Variants in DTNA observed in about 807,000 individuals in gnomAD.
DTNA encodes dystrobrevin alpha.
Under a neutral mutation model 100.7 loss-of-function variants are expected in DTNA, and 43 were observed. The ratio of observed to expected loss-of-function variants is 0.43; its 90% confidence interval spans 0.33 to 0.55. The LOEUF (loss-of-function observed/expected upper bound fraction) is 0.55. DTNA is among the 20% of genes least tolerant of loss of function. The probability of loss-of-function intolerance (pLI) is 0.04; values close to 1 mark genes in which losing one functional copy is unlikely to be tolerated. For synonymous variants in DTNA, 349 were observed against 347.9 expected (o/e 1.00, Z -0.04); for missense variants, 798 against 953.9 (o/e 0.84, Z 2.15).
chr18:34,653,542 G>C (rs1373277263), intron 1 of DTNA, among the ~76,000 whole-genome samples: 1 of 152,038 alleles, frequency 6.6e-6, no homozygotes, highest in African/African-American at 2.4e-5. Context: ...ACCACTGAGG[G>C]TCAGGTGCAG....
chr18:34,675,804 A>T (rs923098123), intron 1 of DTNA, among the ~76,000 whole-genome samples: 17 of 152,210 alleles, frequency 1.1e-4, no homozygotes, highest in Non-Finnish European at 2.4e-4. Context: ...TTGTTCGTGC[A>T]ATAAATATTA....
intron 10 of DTNA, 49 bp downstream of exon 10, chr18:34,827,725 C>G: frequency 2.6e-6 from 4 of 1,563,822 alleles, no homozygotes; most frequent in Non-Finnish European, 2.6e-6. Flanking sequence ...GGTAATGAGC[C>G]TTGATTCTGT....
chr18:34,677,268 A>G (rs144671417), intron 1 of DTNA, among the ~76,000 whole-genome samples: 125 of 152,292 alleles, frequency 8.2e-4, no homozygotes, highest in African/African-American at 2.8e-3. Flanking sequence ...TGGACCACCC[A>G]TGGGGTTCTT....
chr18:34,693,746 C>CTG (rs34072179), intron 1 of DTNA, among the ~76,000 whole-genome samples: 10,924 of 143,076 alleles, frequency 0.076, 456 homozygotes, highest in African/African-American at 0.11. Context: ...CTTGTGTGCA[C>CTG]TGTGTGTGTG....
At position 34,829,459 on chromosome 18, in the gene DTNA, T is replaced by C; in HGVS notation, c.1145T>C (p.Leu382Pro). ...GCTGAAGAGCATTCCCTCATAAAGC[T>C]GTACGTAAATCAGCTTGATCACGGT... is the stretch of plus-strand genomic sequence containing the variant. ...PVAEEHSLIK[L>P]YVNQLDHGAR... Residue 382 changes from leucine to proline, a missense_variant, in exon 11 of 23, where the codon CTG (leucine) becomes CCG (proline). Around this residue, in one of 6 missense-constraint regions of DTNA, gnomAD observed 159 missense variants for 201.2 expected, o/e 0.79. Transcript: ENST00000444659. 2.0e-6 allele frequency: 3 copies of C among 1,529,722 alleles called. No individual in the cohort carries two copies. The South Asian group carries it at 3.6e-5, about 18-fold the overall frequency. 94.8% of individuals were successfully genotyped at this position (1,529,722 alleles called of 1,614,324 possible). A position where few individuals can be genotyped will look rare whatever the true frequency, so the allele number is the denominator to read the frequency against.
In DTNA at chr18:34,884,769, C is replaced by T; in HGVS notation, c.*24C>T. 6.2e-7 allele frequency: 1 copy of T among 1,614,086 alleles called. No homozygotes were observed. The highest frequency in any genetic ancestry group is 8.5e-7 in the Non-Finnish European group (1 of 1,179,940). Reference sequence around the variant, plus strand: ...GAATGCAATATCCTTTTATCACACTCCTCTCAAGTAAGTACCATCTTATTT... The same window carrying T: ...GAATGCAATATCCTTTTATCACACTTCTCTCAAGTAAGTACCATCTTATTT... On this transcript the variant is annotated 3_prime_UTR_variant, in exon 22 of 23. Transcript: ENST00000444659.
At chr18:34,503,485 C>T (rs1381321421) in intron 1 of DTNA, among the ~76,000 whole-genome samples, 3 of 151,712 alleles carry the variant, frequency 2.0e-5, no homozygotes, top group Non-Finnish European at 2.9e-5. Flanking sequence ...GACAGGGTTC[C>T]ACCTTAGCCA....
chr18:34,625,623 TTA>T (rs1456691117), intron 1 of DTNA, among the ~76,000 whole-genome samples: 1 of 152,186 alleles, frequency 6.6e-6, no homozygotes, highest in Non-Finnish European at 1.5e-5. Flanking sequence ...ATTTATACAC[TTA>T]TATATACACA....
At chr18:34,801,161 A>G (rs1349792164) in intron 4 of DTNA, among the ~76,000 whole-genome samples, 1 of 152,196 alleles carries the variant, frequency 6.6e-6, no homozygotes, top group East Asian at 1.9e-4. Flanking sequence ...ACAAAATGTA[A>G]AGGAAGATAA....
chr18:34,848,314 C>T lies in DTNA; in HGVS notation c.1365C>T (p.Asn455=), dbSNP rs1372303736. 6.2e-7 allele frequency: 1 copy of T among 1,613,984 alleles called. No individual in the cohort carries two copies. Residue 455 remains asparagine (N), a synonymous_variant, in exon 14 of 23, where the codon AAC becomes AAT. Coordinates refer to ENST00000444659, the MANE Select transcript of DTNA (RefSeq NM_001386795.1). ...TTAATAGCATGCTTGAGAGTTCAAA[C>T]CGGCTTGATGAAGAACACAGGCTAA... ...NNPSCMLESS[N]RLDEEHRLIA...
intron 1 of DTNA, among the ~76,000 whole-genome samples, chr18:34,612,066 C>T (rs1050032179): frequency 1.3e-5 from 2 of 152,184 alleles, no homozygotes; most frequent in Admixed American, 6.5e-5. Context: ...CAACTGCAGC[C>T]AGCTGACACG....
intron 1 of DTNA, among the ~76,000 whole-genome samples, chr18:34,653,051 T>C (rs942855973): frequency 1.5e-4 from 23 of 152,364 alleles, no homozygotes; most frequent in African/African-American, 5.5e-4. Context: ...TAAATGTCAC[T>C]ATTTCCTGCA....
At chr18:34,734,750 T>TA (rs1568355981) in intron 1 of DTNA, among the ~76,000 whole-genome samples, 1 of 152,174 alleles carries the variant, frequency 6.6e-6, no homozygotes, top group Non-Finnish European at 1.5e-5. Flanking sequence ...TCAAAGGTAT[T>TA]ATGTATAGAG....
At position 34,794,041 on chromosome 18, in the gene DTNA, C is replaced by T. The variant is rs756884885; in HGVS notation, c.153C>T (p.His51=). The change falls in exon 4 of 23, where the codon CAC becomes CAT. Residue 51 remains histidine, a synonymous_variant. Coordinates refer to ENST00000444659, the MANE Select transcript of DTNA (RefSeq NM_001386795.1). ...LRFVQKKCNL[H]LVDIWNVIEA... ...TTAACTCTGCTTTAATTGTAGTGCA[C>T]CTGGTGGACATATGGAATGTCATAG... 1.4e-5 allele frequency: 22 copies of T among 1,613,824 alleles called. No individual in the cohort carries two copies. Among genetic ancestry groups the T allele is most frequent in the Non-Finnish European group, 1.9e-5 (22 of 1,179,886 alleles).
intron 1 of DTNA, among the ~76,000 whole-genome samples, chr18:34,689,200 G>C (rs1423622858): frequency 6.6e-6 from 1 of 152,148 alleles, no homozygotes; most frequent in Admixed American, 6.5e-5. Flanking sequence ...GCGAGGAATT[G>C]TGATCCTTTG....
intron 17 of DTNA, among the ~76,000 whole-genome samples, chr18:34,873,747 T>G (rs1265916167): frequency 1.3e-5 from 2 of 152,216 alleles, no homozygotes; most frequent in Non-Finnish European, 2.9e-5. Context: ...TTATTTATTA[T>G]TGGCATGGGA....
Position 34,760,007 on chromosome 18 carries a change from G to C in DTNA, c.67+3964G>C, listed in dbSNP as rs1162590716. The C allele has an allele frequency of 2.0e-5, 3 of 152,108 alleles. No homozygotes were observed. In the East Asian group the frequency reaches 5.8e-4, roughly 29 times the overall value. The allele number at this position is 152,108 out of a possible 1,614,324, so 9.4% of individuals were successfully genotyped here. ...CTAAGTACTGTTGAATTATTTGAAG[G>C]CAGGCCATCCTTGAGAGTGTTGGCT... On this transcript the variant is annotated intron_variant, in intron 2 of 22. Transcript: ENST00000444659.
chr18:34,670,652 C>G (rs968565462), intron 1 of DTNA, among the ~76,000 whole-genome samples: 1 of 152,210 alleles, frequency 6.6e-6, no homozygotes, highest in Non-Finnish European at 1.5e-5. Context: ...TCAGGACCCT[C>G]AGCTGCAGGT....
At chr18:34,771,436 A>C (rs8086806) in intron 3 of DTNA, among the ~76,000 whole-genome samples, 125,238 of 152,000 alleles carry the variant, frequency 0.82, 51,983 homozygotes, top group East Asian at 0.91. Flanking sequence ...GGAGGTGGAG[A>C]TTGCAGTGAG....
Sources: gnomAD v4.1 joint callset for allele counts (sites outside exome capture counted in the v4.1 genomes callset) on GRCh38, gnomAD v4.1.1 for gene constraint, gnomAD v4.1.1 regional missense constraint, MANE v1.5 for transcripts, NCBI Gene and HGNC (gene_info 2026-07-23, HGNC 2026-07-21) for gene names.